Variants in SH2B1 observed in about 807,000 individuals in gnomAD.
The protein encoded by SH2B1 is SH2B adaptor protein 1, also known as SH2B adapter protein 1.
In SH2B1, 15 loss-of-function variants were observed where a neutral mutation model predicts 62.6. The ratio of observed to expected loss-of-function variants is 0.24; its 90% CI spans 0.16 to 0.37. The LOEUF is 0.37. Ranked by LOEUF, SH2B1 falls within the 10% of genes least tolerant of loss-of-function variation. SH2B1 has a pLI of 1.00. For missense variants in SH2B1, 925 were observed against 1,015.6 expected (o/e 0.91, Z 1.21); for synonymous variants, 443 against 438.0 (o/e 1.01, Z -0.14).
At chr16:28,852,773 T>C (rs367878479) in intron 1 of SH2B1, among the ~76,000 whole-genome samples, 25,950 of 43,544 alleles carry the variant, frequency 0.6, 9,197 homozygotes, top group South Asian at 0.84. Flanking sequence ...TATATATTTA[T>C]ATATATATTT....
chr16:28,871,694 T>C (rs1963046610), intron 4 of SH2B1, 86 bp from the exon 5 acceptor site: 1 of 1,082,536 alleles, frequency 9.2e-7, no homozygotes, highest in African/African-American at 1.6e-5. Flanking sequence ...GCACACAGGG[T>C]AGACTGCTGG....
In SH2B1 at chr16:28,866,006, T is replaced by C. The variant is rs554851757; in HGVS notation, c.-89T>C. 6.7e-7 allele frequency: 1 copy of C among 1,499,586 alleles called. No individual in the cohort carries two copies. The highest frequency in any genetic ancestry group is 1.4e-5 in the African/African-American group (1 of 71,648). The allele number at this position is 1,499,586 out of a possible 1,614,324, so 92.9% of individuals were successfully genotyped here. A position where few individuals can be genotyped will look rare whatever the true frequency, so the allele number is the denominator to read the frequency against. ...CCTCGTGTGTGCCTCTCTCTTCCTT[T>C]CGCAGCTGCTGCCGCCCACCCCTCG... is the stretch of plus-strand genomic sequence containing the variant. On this transcript the variant is annotated 5_prime_UTR_variant, in exon 1 of 8. Coordinates refer to ENST00000684370, the MANE Select transcript of SH2B1 (RefSeq NM_001387430.1). The surrounding 1 kb of genome is among the most constrained non-coding windows in gnomAD (Gnocchi z 6.3).
At chr16:28,868,200 C>T (rs1343873785) in intron 2 of SH2B1, among the ~76,000 whole-genome samples, 2 of 151,496 alleles carry the variant, frequency 1.3e-5, no homozygotes, top group South Asian at 2.1e-4. Context: ...AGTGCAGTGG[C>T]GCGATCTCGA....
chr16:28,869,476 G>GCC, intron 4 of SH2B1, 93 bp downstream of exon 4: 1 of 1,179,322 alleles, frequency 8.5e-7, no homozygotes, highest in South Asian at 1.5e-5. Flanking sequence ...ACGCCACTGT[G>GCC]CCCCCATCCC....
chr16:28,867,584 C>G, intron 2 of SH2B1, 152 bp downstream of exon 2: 2 of 639,342 alleles, frequency 3.1e-6, no homozygotes, highest in South Asian at 1.8e-5. Context: ...TCTGGGATAG[C>G]GGAAGACAGG....
At position 28,867,450 on chromosome 16, in the gene SH2B1, C is replaced by T. The variant is rs1202997577; in HGVS notation, c.1041+18C>T. 2 of 1,570,046 alleles carry T rather than the reference C, an allele frequency of 1.3e-6. No homozygotes were observed. The highest frequency in any genetic ancestry group is 2.2e-5 in the East Asian group (1 of 44,662). On this transcript the variant is annotated intron_variant, in intron 2 of 7. Transcript: ENST00000684370. The stretch of plus-strand genomic sequence containing the variant: ...TGGTTAAGGTAGGAATTCAACTTCC[C>T]AGCCGCCGGCAGTGCTTGTGTTAAG...
intron 1 of SH2B1, among the ~76,000 whole-genome samples, chr16:28,852,833 TATATATAC>T (rs1375532931): frequency 1.3e-5 from 1 of 76,800 alleles, no homozygotes; most frequent in African/African-American, 5.2e-5. Flanking sequence ...TATATTTATA[TATATATAC>T]ATATATATAT....
At chr16:28,860,960 G>A (rs937294996), upstream of SH2B1, among the ~76,000 whole-genome samples, 1 of 151,840 alleles carries the variant, frequency 6.6e-6, no homozygotes, top group East Asian at 1.9e-4. Flanking sequence ...GGGATTACAG[G>A]CACGCGCCAC....
At position 28,852,624 on chromosome 16, in the gene SH2B1, T is replaced by G. The variant is rs181194098; in HGVS notation, c.-301+5797T>G. Among the ~76,000 whole-genome samples, 249 of 64,714 alleles carry G rather than the reference T, an allele frequency of 3.8e-3. 48 individuals carry two copies. The highest frequency in any genetic ancestry group is 0.032 in the Middle Eastern group (2 of 62). The allele number at this position is 64,714 out of a possible 152,430, so 42.5% of individuals were successfully genotyped here. A position where few individuals can be genotyped will look rare whatever the true frequency, so the allele number is the denominator to read the frequency against. Reference sequence around the variant, plus strand: ...TATTTATATATATACACATATATATTTATATATATACACATATATATTTAT... The same window carrying G: ...TATTTATATATATACACATATATATGTATATATATACACATATATATTTAT... On this transcript the variant is annotated intron_variant, in intron 1 of 10. Coordinates refer to the SH2B1 transcript ENST00000322610.
upstream of SH2B1, among the ~76,000 whole-genome samples, chr16:28,861,174 C>T (rs1411243450): frequency 1.3e-5 from 2 of 152,128 alleles, no homozygotes; most frequent in Non-Finnish European, 2.9e-5. Flanking sequence ...GCTCTGTTGC[C>T]CAGGCTGGAG....
At chr16:28,852,323 TATATTTAC>T (rs1374547851) in intron 1 of SH2B1, among the ~76,000 whole-genome samples, 2 of 81,620 alleles carry the variant, frequency 2.5e-5, no homozygotes, top group African/African-American at 1.0e-4. Context: ...TTTACATATA[TATATTTAC>T]ATATATATTT....
Position 28,873,539 on chromosome 16 carries a change from C to G in SH2B1, c.1990C>G (p.Pro664Ala). The change falls in exon 8 of 8, where the codon CCA becomes GCA. Residue 664 changes from proline (P) to alanine (A), a missense_variant. This residue lies in a region of SH2B1 where 185 missense variants were observed against 189.5 expected (regional missense o/e 0.98). Transcript: ENST00000684370. The surrounding 1 kb of genome is among the most constrained non-coding windows in gnomAD (Gnocchi z 4.2). ...TGGGGCAGAAGAGGCGTCGAGGGCG[C>G]CAGAAGTGGCGGCAGCAGCAGCCGC... ...QPGAEEASRA[P>A]EVAAAAAAAA... The G allele has an allele frequency of 6.2e-7, 1 of 1,605,778 alleles. No individual in the cohort carries two copies. Among genetic ancestry groups the G allele is most frequent in the Non-Finnish European group, 8.5e-7 (1 of 1,176,606 alleles).
intron 1 of SH2B1, among the ~76,000 whole-genome samples, chr16:28,851,740 G>C (rs1007572110): frequency 6.7e-6 from 1 of 149,868 alleles, no homozygotes; most frequent in African/African-American, 2.4e-5. Flanking sequence ...TGGGATTATA[G>C]GCATGAGCCA....
At chr16:28,852,430 ATATATT>A (rs1388855085) in intron 1 of SH2B1, among the ~76,000 whole-genome samples, 1 of 102,678 alleles carries the variant, frequency 9.7e-6, no homozygotes, top group Non-Finnish European at 1.7e-5. Context: ...ATATTTACAT[ATATATT>A]TATATATATA....
intron 1 of SH2B1, among the ~76,000 whole-genome samples, chr16:28,852,253 T>G (rs1245435042): frequency 1.0e-5 from 1 of 98,526 alleles, no homozygotes; most frequent in Non-Finnish European, 1.8e-5. Context: ...TTTACATATA[T>G]ATATTTACAT....
intron 1 of SH2B1, among the ~76,000 whole-genome samples, chr16:28,852,028 C>T (rs1207330793): frequency 6.7e-6 from 1 of 148,762 alleles, no homozygotes; most frequent in Admixed American, 6.8e-5. Flanking sequence ...GATTGTGCCA[C>T]TGCACTCCAA....
In SH2B1 at chr16:28,871,892, C is replaced by G; in HGVS notation, c.1422C>G (p.Pro474=). ...SMELLPPELP[P]RIPIEEGPPT... is the part of the protein sequence containing the mutation. ...AACTGCTTCCCCCAGAGTTGCCCCC[C>G]CGCATCCCCATTGAAGAGGGACCCC... The change falls in exon 5 of 8, where the codon CCC becomes CCG. Residue 474 remains proline, a synonymous_variant. Transcript: ENST00000684370. 1 of 1,540,874 alleles carries G rather than the reference C, an allele frequency of 6.5e-7. No individual in the cohort carries two copies. The highest frequency in any genetic ancestry group is 1.7e-5 in the Admixed American group (1 of 59,852).
At chr16:28,863,016 T>G (rs1962501095), upstream of SH2B1, 2 of 151,794 alleles carry the variant, frequency 1.3e-5, no homozygotes, top group African/African-American at 2.4e-5. Context: ...CCGCAATCTC[T>G]GCCTTCCGGA....
rs1430805205 is a variant in SH2B1 at position 28,873,475 on chromosome 16, G to A, written c.1926G>A (p.Gln642=). 1.1e-5 allele frequency: 17 copies of A among 1,513,678 alleles called. No individual in the cohort carries two copies. The highest frequency in any genetic ancestry group is 1.3e-5 in the Non-Finnish European group (15 of 1,114,938). The allele number at this position is 1,513,678 out of a possible 1,614,324, so 93.8% of individuals were successfully genotyped here. ...CGACCACCTCCCATGACCCACCCCA[G>A]CCCCCTGAACCCCCTTCATGGACAG... The part of the protein sequence containing the change: ...QEPTTSHDPP[Q]PPEPPSWTDP... Residue 642 remains glutamine, a synonymous_variant, in exon 8 of 8, where the codon CAG becomes CAA. Transcript: ENST00000684370. The surrounding 1 kb of genome is among the most constrained non-coding windows in gnomAD (Gnocchi z 4.2).
Sources: allele counts gnomAD v4.1 joint callset (sites outside exome capture counted in the v4.1 genomes callset), GRCh38; gene constraint gnomAD v4.1.1; regional missense constraint gnomAD v4.1.1; non-coding constraint Gnocchi (gnomAD v3.1); transcripts MANE v1.5; gene names NCBI Gene and HGNC (gene_info 2026-07-23, HGNC 2026-07-21).